REXO5: variants seen among roughly 807,000 people sequenced by gnomAD.
REXO5 encodes exonuclease NEF-sp.
A neutral mutation model predicts 88.5 loss-of-function variants in REXO5; 48 were observed. The observed-to-expected ratio is 0.54, with a 90% CI of 0.43 to 0.69. The LOEUF is 0.69. Ranked by LOEUF, REXO5 falls within the 30% of genes least tolerant of loss-of-function variation. REXO5 has a pLI of 0.00. For synonymous variants in REXO5, 311 were observed against 336.5 expected, an observed-to-expected ratio of 0.92 and a Z score of 0.83; for missense variants, 749 against 912.2, an observed-to-expected ratio of 0.82 and a Z score of 2.30.
chr16:20,824,899 C>T (rs535379587), intron 7 of REXO5, among the ~76,000 whole-genome samples: 1 of 152,086 alleles, frequency 6.6e-6, no homozygotes, highest in South Asian at 2.1e-4. Context: ...GTCCCAGGTA[C>T]TCGGGAGGCT....
chr16:20,824,389 G>T, intron 6 of REXO5, 50 bp from the exon 7 acceptor site: 1 of 1,042,472 alleles, frequency 9.6e-7, no homozygotes, highest in Non-Finnish European at 1.5e-6. Context: ...TAAGAGTGAT[G>T]TTTACCATCT....
At chr16:20,832,104 G>A in intron 11 of REXO5, 52 bp from the exon 12 acceptor site, 1 of 1,163,708 alleles carries the variant, frequency 8.6e-7, no homozygotes. Context: ...ATTTATTTGA[G>A]CATCAAATGC....
intron 7 of REXO5, 25 bp from the exon 8 acceptor site, chr16:20,825,808 G>C: frequency 6.6e-7 from 1 of 1,517,364 alleles, no homozygotes; most frequent in Non-Finnish European, 9.1e-7. Flanking sequence ...CAGTTCAGCA[G>C]CCTGACTACA....
At chr16:20,832,769 A>C (rs1416516353) in intron 12 of REXO5, among the ~76,000 whole-genome samples, 2 of 152,188 alleles carry the variant, frequency 1.3e-5, no homozygotes, top group African/African-American at 4.8e-5. Flanking sequence ...ACACTGTCCA[A>C]AACAATTTTC....
chr16:20,814,267 C>T (rs746094104), intron 3 of REXO5, among the ~76,000 whole-genome samples: 4 of 152,034 alleles, frequency 2.6e-5, no homozygotes, highest in South Asian at 2.1e-4. Flanking sequence ...GATGGAGCCT[C>T]GCTCTGTCAC....
chr16:20,825,712 T>C (rs2081250172), intron 7 of REXO5, 121 bp from the exon 8 acceptor site: 2 of 659,700 alleles, frequency 3.0e-6, no homozygotes, highest in Admixed American at 2.8e-5. Flanking sequence ...GAAAGCAAGT[T>C]TGTGCCATTG....
intron 8 of REXO5, 30 bp downstream of exon 8, chr16:20,825,978 A>T: frequency 7.0e-7 from 1 of 1,438,216 alleles, no homozygotes; most frequent in Non-Finnish European, 9.8e-7. Context: ...CAGCTCTTCT[A>T]AGAGCTATCG....
intron 15 of REXO5, 105 bp from the exon 16 acceptor site, chr16:20,843,829 C>A: frequency 2.9e-6 from 2 of 697,938 alleles, no homozygotes; most frequent in Non-Finnish European, 5.0e-6. Context: ...GTAAAGGCAT[C>A]CATTCTGGTG....
chr16:20,813,243 C>G lies in REXO5; in HGVS notation c.192C>G (p.Asp64Glu). Residue 64 changes from aspartate to glutamate, a missense_variant, in exon 3 of 20, where the codon GAC becomes GAG. By Grantham distance (45) the Asp-to-Glu change is conservative. Transcript: ENST00000261377. ...CTGACAACTGTGAAGTAACCCATGA[C>G]CAGCTGTGTGAATTGCTGAAGTATG... Reference protein sequence around the residue: ...LFTDNCEVTHDQLCELLKYAV... With the variant: ...LFTDNCEVTHEQLCELLKYAV... The G allele has an allele frequency of 3.7e-6, 6 of 1,614,008 alleles. No homozygotes were observed. Among genetic ancestry groups the G allele is most frequent in the Non-Finnish European group, 5.1e-6 (6 of 1,179,980 alleles).
At chr16:20,841,111 GT>G (rs1292581356) in intron 15 of REXO5, among the ~76,000 whole-genome samples, 6 of 152,146 alleles carry the variant, frequency 3.9e-5, no homozygotes, top group Non-Finnish European at 7.4e-5. Flanking sequence ...CTTAGGGTAA[GT>G]TTTTGGTATT....
intron 2 of REXO5, among the ~76,000 whole-genome samples, chr16:20,809,098 T>G (rs1229240312): frequency 6.6e-6 from 1 of 152,106 alleles, no homozygotes; most frequent in African/African-American, 2.4e-5. Context: ...GTTTAATGTT[T>G]ATGTGGTTAG....
At chr16:20,845,303 C>T in intron 18 of REXO5, 62 bp downstream of exon 18, 3 of 1,420,218 alleles carry the variant, frequency 2.1e-6, no homozygotes, top group Non-Finnish European at 2.9e-6. Flanking sequence ...GACACTTAAT[C>T]CTTTAATCTT....
At chr16:20,819,212 C>T (rs1034288766) in intron 5 of REXO5, among the ~76,000 whole-genome samples, 37 of 151,992 alleles carry the variant, frequency 2.4e-4, no homozygotes, top group Non-Finnish European at 4.7e-4. Context: ...TTTCCACCTG[C>T]GCATATCTTT....
intron 15 of REXO5, among the ~76,000 whole-genome samples, chr16:20,842,557 C>T (rs2081546132): frequency 6.6e-6 from 1 of 151,556 alleles, no homozygotes; most frequent in Non-Finnish European, 1.5e-5. Context: ...TAACTACAGC[C>T]TCAACCTCCT....
Position 20,840,345 on chromosome 16 carries a change from G to T in REXO5, c.1503G>T (p.Trp501Cys), listed in dbSNP as rs1488619417. Reference sequence around the variant, plus strand: ...TTTTCCTACAGATGAGGATCAAGTGGACAGAGATATCAACTGTCTATGCTG... The same window carrying T: ...TTTTCCTACAGATGAGGATCAAGTGTACAGAGATATCAACTGTCTATGCTG... ...EEMNKRMRIK[W>C]TEISTVYAGP... The change falls in exon 15 of 20, where the codon TGG becomes TGT. Residue 501 changes from tryptophan to cysteine, a missense_variant. By Grantham distance (215) the Trp-to-Cys change is radical. Coordinates refer to ENST00000261377, the MANE Select transcript of REXO5 (RefSeq NM_030941.3). The T allele has an allele frequency of 1.3e-6, 2 of 1,551,534 alleles. No homozygotes were observed. Among genetic ancestry groups the T allele is most frequent in the Admixed American group, 3.4e-5 (2 of 58,110 alleles).
intron 18 of REXO5, 52 bp downstream of exon 18, chr16:20,845,293 G>T: frequency 1.3e-6 from 2 of 1,491,938 alleles, no homozygotes; most frequent in South Asian, 2.4e-5. Context: ...CCTGCTCAGT[G>T]ACACTTAATC....
chr16:20,837,547 C>T (rs1157120338), intron 13 of REXO5, among the ~76,000 whole-genome samples: 2 of 152,154 alleles, frequency 1.3e-5, no homozygotes, highest in African/African-American at 4.8e-5. Flanking sequence ...TAATTCTTTC[C>T]ATGCTTTTCA....
chr16:20,840,908 A>C (rs905158614), intron 15 of REXO5, among the ~76,000 whole-genome samples: 1 of 152,214 alleles, frequency 6.6e-6, no homozygotes, highest in African/African-American at 2.4e-5. Flanking sequence ...CTGCTGGTTG[A>C]ATATAACCTG....
chr16:20,807,178 C>CG, intron 2 of REXO5, 87 bp downstream of exon 2: 1 of 1,478,574 alleles, frequency 6.8e-7, no homozygotes, highest in Non-Finnish European at 9.1e-7. Context: ...GCACTGGATT[C>CG]GGGCGGGCTC....
Sources: gnomAD v4.1 joint callset for allele counts (sites outside exome capture counted in the v4.1 genomes callset) on GRCh38, gnomAD v4.1.1 for gene constraint, MANE v1.5 for transcripts, NCBI Gene and HGNC (gene_info 2026-07-23, HGNC 2026-07-21) for gene names.